The following ELAVL2 variants were observed in gnomAD, a reference collection of about 807,000 sequenced individuals.
The protein encoded by ELAVL2 is ELAV-like protein 2.
Under a neutral mutation model 34.6 loss-of-function variants are expected in ELAVL2, and 4 were observed. The observed-to-expected ratio is 0.12, with a 90% CI of 0.06 to 0.26. The LOEUF is 0.26. Among genes scored for constraint, ELAVL2 ranks in the 10% least tolerant of loss-of-function variants. The pLI is 1.00. For missense variants in ELAVL2, 432 were observed against 442.8 expected (o/e 0.98, Z 0.22); for synonymous variants, 193 against 154.8 (o/e 1.25, Z -1.83).
the ELAVL2 span, among the ~76,000 whole-genome samples, chr9:23,839,168 C>T: frequency 4.6e-5 from 7 of 151,730 alleles, no homozygotes; most frequent in East Asian, 1.4e-3. Context: ...GAAAAAATAC[C>T]AAAATAACAG....
intron 2 of ELAVL2, among the ~76,000 whole-genome samples, chr9:23,740,112 G>A (rs916687140): frequency 3.3e-5 from 5 of 149,908 alleles, no homozygotes; most frequent in African/African-American, 4.9e-5. Context: ...AAAGTTAAAG[G>A]TTCACCAGCC....
intron 3 of ELAVL2, among the ~76,000 whole-genome samples, chr9:23,726,308 A>G (rs984263037): frequency 2.0e-5 from 3 of 152,120 alleles, no homozygotes; most frequent in Non-Finnish European, 2.9e-5. Flanking sequence ...TTATTTCAGT[A>G]TAAGAAATTT....
At chr9:23,841,204 G>A in the ELAVL2 span, among the ~76,000 whole-genome samples, 28 of 152,188 alleles carry the variant, frequency 1.8e-4, no homozygotes, top group Non-Finnish European at 3.4e-4. Flanking sequence ...GGACAGCCAG[G>A]TCCTAAAAGT....
At chr9:23,748,563 C>T (rs1025300367) in intron 2 of ELAVL2, among the ~76,000 whole-genome samples, 12 of 152,140 alleles carry the variant, frequency 7.9e-5, no homozygotes, top group South Asian at 2.1e-4. Context: ...AGATTGAAGG[C>T]AATTTTCAAA....
intron 1 of ELAVL2, among the ~76,000 whole-genome samples, chr9:23,781,518 C>CTTTTT (rs34293408): frequency 7.4e-6 from 1 of 135,812 alleles, no homozygotes; most frequent in Non-Finnish European, 1.6e-5. Context: ...TTTTTCTTTC[C>CTTTTT]TTTTTTTTTT....
At chr9:23,837,044 A>AC in the ELAVL2 span, among the ~76,000 whole-genome samples, 1 of 152,280 alleles carries the variant, frequency 6.6e-6, no homozygotes, top group African/African-American at 2.4e-5. Flanking sequence ...ATATATGAGG[A>AC]CAAGACTGAC....
chr9:23,808,297 CATA>C (rs1302459955), intron 1 of ELAVL2, among the ~76,000 whole-genome samples: 1 of 152,094 alleles, frequency 6.6e-6, no homozygotes, highest in Non-Finnish European at 1.5e-5. Flanking sequence ...AGAACTTTAA[CATA>C]ATATCTCCTC....
intron 1 of ELAVL2, among the ~76,000 whole-genome samples, chr9:23,782,249 T>C (rs2136865045): frequency 6.6e-6 from 1 of 152,242 alleles, no homozygotes; most frequent in Non-Finnish European, 1.5e-5. Context: ...TCCTGAAAAA[T>C]TCAAAATCAA....
intron 3 of ELAVL2, among the ~76,000 whole-genome samples, chr9:23,728,447 G>C (rs2134388464): frequency 6.6e-6 from 1 of 152,206 alleles, no homozygotes; most frequent in African/African-American, 2.4e-5. Context: ...GCCAGTCTGA[G>C]AACAGTGGAG....
At chr9:23,699,436 T>C (rs1261961069) in intron 5 of ELAVL2, among the ~76,000 whole-genome samples, 1 of 152,164 alleles carries the variant, frequency 6.6e-6, no homozygotes. Flanking sequence ...GTAGCTAATA[T>C]AGCTTTCCAC....
chr9:23,769,328 A>G (rs1466171862), intron 1 of ELAVL2, among the ~76,000 whole-genome samples: 1 of 152,194 alleles, frequency 6.6e-6, no homozygotes, highest in Non-Finnish European at 1.5e-5. Context: ...CTTATAGATG[A>G]CAGCTGGGTA....
chr9:23,807,075 T>C (rs2062331753), intron 1 of ELAVL2, among the ~76,000 whole-genome samples: 1 of 152,130 alleles, frequency 6.6e-6, no homozygotes, highest in South Asian at 2.1e-4. Context: ...TTATAAATGG[T>C]ATAAGCTAAA....
chr9:23,783,385 A>C, intron 1 of ELAVL2: 1 of 954,942 alleles, frequency 1.0e-6, no homozygotes, highest in Non-Finnish European at 1.2e-6. Flanking sequence ...GAAAACCGAA[A>C]GTTAAACTGA....
At chr9:23,741,881 T>TTC (rs1229151564) in intron 2 of ELAVL2, among the ~76,000 whole-genome samples, 1 of 152,162 alleles carries the variant, frequency 6.6e-6, no homozygotes. Context: ...AAAAATGCTT[T>TTC]TCCTTCCACC....
At chr9:23,797,323 A>G (rs1296171314) in intron 1 of ELAVL2, among the ~76,000 whole-genome samples, 2 of 152,220 alleles carry the variant, frequency 1.3e-5, no homozygotes, top group Non-Finnish European at 2.9e-5. Context: ...ATATCATTAA[A>G]CTGATCTTAA....
chr9:23,828,821 A>G (rs1406803958), upstream of ELAVL2, among the ~76,000 whole-genome samples: 1 of 152,204 alleles, frequency 6.6e-6, no homozygotes, highest in Non-Finnish European at 1.5e-5. Context: ...TATAAGCAAC[A>G]TGTACTTTTT....
intron 2 of ELAVL2, among the ~76,000 whole-genome samples, chr9:23,736,649 C>T (rs2047962044): frequency 6.6e-6 from 1 of 152,178 alleles, no homozygotes; most frequent in Non-Finnish European, 1.5e-5. Context: ...TTCTGCCAGT[C>T]CTACCAGCTA....
At chr9:23,765,239 C>T in intron 1 of ELAVL2, 1 of 669,204 alleles carries the variant, frequency 1.5e-6, no homozygotes, top group Non-Finnish European at 2.4e-6. Context: ...TGAGGCAATT[C>T]CAATCTAATC....
At chr9:23,752,183 A>T (rs1189464940) in intron 2 of ELAVL2, among the ~76,000 whole-genome samples, 1 of 152,190 alleles carries the variant, frequency 6.6e-6, no homozygotes, top group Non-Finnish European at 1.5e-5. Flanking sequence ...GAGAGACAGT[A>T]CCCCTGTGTG....
Sources: gnomAD v4.1 joint callset for allele counts (sites outside exome capture counted in the v4.1 genomes callset) on GRCh38, gnomAD v4.1.1 for gene constraint, MANE v1.5 for transcripts, NCBI Gene and HGNC (gene_info 2026-07-23, HGNC 2026-07-21) for gene names.